The following SAFB variants were observed in gnomAD, a reference collection of about 807,000 sequenced individuals.
SAFB encodes scaffold attachment factor B1.
In SAFB, 15 loss-of-function variants were observed where a neutral mutation model predicts 101.6. The ratio of observed to expected loss-of-function variants is 0.15; its 90% confidence interval spans 0.10 to 0.23. The LOEUF is 0.23. Ranked by LOEUF, SAFB falls within the 10% of genes least tolerant of loss-of-function variation. SAFB has a pLI of 1.00. For missense variants in SAFB, 930 were observed against 1,104.1 expected (o/e 0.84, Z 2.23); for synonymous variants, 449 against 407.5 (o/e 1.10, Z -1.23).
rs1477523590 is a variant in SAFB at position 5,667,482 on chromosome 19, G to A, written c.2557+32G>A. 1.1e-5 allele frequency: 16 copies of A among 1,418,446 alleles called. No homozygotes were observed. Among genetic ancestry groups the A allele is most frequent in the Middle Eastern group, 1.9e-4 (1 of 5,314 alleles). The allele number at this position is 1,418,446 out of a possible 1,614,324, so 87.9% of individuals were successfully genotyped here. Reference sequence around the variant, plus strand: ...AGCAGCTCTGGGCTGGGACCAGGATGTGCTGGGGAGTGATGGAAAGATGGA... The same window carrying A: ...AGCAGCTCTGGGCTGGGACCAGGATATGCTGGGGAGTGATGGAAAGATGGA... On this transcript the variant is annotated intron_variant, in intron 19 of 20. Transcript: ENST00000588852. The surrounding 1 kb of genome is among the most constrained non-coding windows in gnomAD (Gnocchi z 4.0).
intron 13 of SAFB, among the ~76,000 whole-genome samples, chr19:5,656,875 A>G (rs950931974): frequency 3.3e-5 from 5 of 151,730 alleles, no homozygotes; most frequent in Non-Finnish European, 5.9e-5. Context: ...GGTTCACGCC[A>G]TTCTCCTGCT....
At chr19:5,633,925 C>T (rs945532750) in intron 2 of SAFB, among the ~76,000 whole-genome samples, 3 of 152,010 alleles carry the variant, frequency 2.0e-5, no homozygotes, top group Non-Finnish European at 2.9e-5. Flanking sequence ...TAAAGCAATC[C>T]GAAGCAAGCC....
intron 7 of SAFB, 110 bp from the exon 8 acceptor site, chr19:5,649,816 T>C: frequency 1.0e-6 from 1 of 1,004,826 alleles, no homozygotes; most frequent in East Asian, 2.5e-5. Flanking sequence ...GTATCATTTT[T>C]TCAGAACTAA....
Position 5,661,785 on chromosome 19 carries a change from G to T in SAFB, c.2130G>T (p.Val710=). Residue 710 remains valine (V), a synonymous_variant, in exon 15 of 21, where the codon GTG becomes GTT. Coordinates refer to ENST00000588852, the MANE Select transcript of SAFB (RefSeq NM_001201338.2). ...LRYEQERRPA[V]RRPYDLDRRD... ...ATGAGCAGGAGCGGCGGCCCGCGGT[G>T]CGGCGGCCCTACGACCTGGACCGGT... 1 of 1,557,458 alleles carries T rather than the reference G, an allele frequency of 6.4e-7. No homozygotes were observed. Among genetic ancestry groups the T allele is most frequent in the Non-Finnish European group, 8.7e-7 (1 of 1,153,082 alleles).
At chr19:5,625,002 C>T (rs2053324663) in intron 1 of SAFB, among the ~76,000 whole-genome samples, 1 of 152,152 alleles carries the variant, frequency 6.6e-6, no homozygotes, top group South Asian at 2.1e-4. Context: ...TGTGATCTTC[C>T]TGTCAAGCTG....
Position 5,661,807 on chromosome 19 carries a change from C to T in SAFB, c.2152C>T (p.Arg718Trp). Residue 718 changes from arginine to tryptophan, a missense_variant and splice_region_variant, in exon 15 of 21, where the codon CGG (arginine) becomes TGG (tryptophan). By Grantham distance (101) the Arg-to-Trp change is moderately radical. Coordinates refer to ENST00000588852, the MANE Select transcript of SAFB (RefSeq NM_001201338.2). ...GGTGCGGCGGCCCTACGACCTGGAC[C>T]GGTAAGCAGATCCATGCTGCCCTTA... ...PAVRRPYDLD[R>W]RDDAYWPEAK... The T allele has an allele frequency of 6.5e-7, 1 of 1,541,256 alleles. No individual in the cohort carries two copies. Among genetic ancestry groups the T allele is most frequent in the African/African-American group, 1.4e-5 (1 of 73,462 alleles).
intron 12 of SAFB, 32 bp from the exon 13 acceptor site, chr19:5,654,336 T>G: frequency 6.3e-7 from 1 of 1,598,948 alleles, no homozygotes. Flanking sequence ...ATTCTTGGTT[T>G]TCCACTTACA....
At chr19:5,658,768 G>A (rs561410739) in intron 14 of SAFB, among the ~76,000 whole-genome samples, 2 of 150,708 alleles carry the variant, frequency 1.3e-5, no homozygotes, top group Non-Finnish European at 2.9e-5. Flanking sequence ...GCGTGAACCC[G>A]GGAGGCAGAG....
At chr19:5,665,534 T>G (rs1033570832) in intron 17 of SAFB, 3 of 151,858 alleles carry the variant, frequency 2.0e-5, no homozygotes, top group African/African-American at 7.3e-5. Flanking sequence ...GGGATCTCAC[T>G]ATGTTGCCCA....
intron 8 of SAFB, 101 bp downstream of exon 8, chr19:5,650,076 A>C: frequency 1.1e-6 from 1 of 880,228 alleles, no homozygotes; most frequent in Non-Finnish European, 1.9e-6. Flanking sequence ...CTTACCCAGG[A>C]GACTCCTGAG....
intron 14 of SAFB, among the ~76,000 whole-genome samples, chr19:5,657,996 A>G (rs1180163743): frequency 1.3e-5 from 2 of 152,020 alleles, no homozygotes; most frequent in East Asian, 2.0e-4. Context: ...CAGCGAGGGC[A>G]CTGAGAGGGC....
In SAFB at chr19:5,661,639, G is replaced by C; in HGVS notation, c.1984G>C (p.Glu662Gln). Residue 662 changes from glutamate to glutamine, a missense_variant, in exon 15 of 21, where the codon GAG (glutamate) becomes CAG (glutamine). Transcript: ENST00000588852. The part of the protein sequence containing the change: ...LAFQRQRLER[E>Q]RMERERLERE... Reference sequence around the variant, plus strand: ...CTTCCAGCGCCAGCGGCTGGAGCGGGAGCGCATGGAGCGGGAACGGCTGGA... The same window carrying C: ...CTTCCAGCGCCAGCGGCTGGAGCGGCAGCGCATGGAGCGGGAACGGCTGGA... 6.2e-7 allele frequency: 1 copy of C among 1,612,316 alleles called. No homozygotes were observed. Among genetic ancestry groups the C allele is most frequent in the South Asian group, 1.1e-5 (1 of 91,052 alleles).
At chr19:5,623,738 G>A (rs955636772) in intron 1 of SAFB, among the ~76,000 whole-genome samples, 4 of 152,008 alleles carry the variant, frequency 2.6e-5, no homozygotes, top group Admixed American at 1.3e-4. Flanking sequence ...TCACTTCCCA[G>A]GCGAGGGGAA....
At chr19:5,650,375 A>G (rs1419148667) in intron 8 of SAFB, among the ~76,000 whole-genome samples, 1 of 152,214 alleles carries the variant, frequency 6.6e-6, no homozygotes, top group Non-Finnish European at 1.5e-5. Context: ...GTTCTGCTAC[A>G]TGGCCGTTGC....
chr19:5,649,156 G>C lies in SAFB; in HGVS notation c.805G>C (p.Gly269Arg). The C allele has an allele frequency of 2.6e-6, 1 of 389,138 alleles. No homozygotes were observed. The highest frequency in any genetic ancestry group is 4.3e-6 in the Non-Finnish European group (1 of 232,508). 24.1% of individuals were successfully genotyped at this position (389,138 alleles called of 1,614,324 possible). A position where few individuals can be genotyped will look rare whatever the true frequency, so the allele number is the denominator to read the frequency against. Residue 269 changes from glycine (G) to arginine (R), a missense_variant, in exon 7 of 21, where the codon GGT becomes CGT. By Grantham distance (125) the Gly-to-Arg change is moderately radical. This residue lies in a region of SAFB where 130 missense variants were observed against 114.2 expected (regional missense o/e 1.14). Transcript: ENST00000588852. ...DLFDSAHPEE[G>R]DLDLASESTA... ...ATTTGACAGCGCCCATCCGGAAGAGGGTGATTTAGATTTGGCCAGCGAGTC... is the reference window on the plus strand; with the variant it reads ...ATTTGACAGCGCCCATCCGGAAGAGCGTGATTTAGATTTGGCCAGCGAGTC...
chr19:5,625,836 G>A (rs1599307763), intron 1 of SAFB, among the ~76,000 whole-genome samples: 1 of 152,148 alleles, frequency 6.6e-6, no homozygotes, highest in Non-Finnish European at 1.5e-5. Flanking sequence ...GATGGGGATC[G>A]GATGAGGTCA....
In SAFB at chr19:5,659,656, C is replaced by A. The variant is rs532917838; in HGVS notation, c.1863-1862C>A. On this transcript the variant is annotated intron_variant, in intron 14 of 20. Coordinates refer to ENST00000588852, the MANE Select transcript of SAFB (RefSeq NM_001201338.2). ...TCGGCCTCCCAAAGTGCTGGAATTACAGGCGTGAGCCACTGCGCCCAGCCT... is the reference window on the plus strand; with the variant it reads ...TCGGCCTCCCAAAGTGCTGGAATTAAAGGCGTGAGCCACTGCGCCCAGCCT... 2.6e-5 allele frequency among the ~76,000 whole-genome samples: 4 copies of A among 151,250 alleles called. No individual in the cohort carries two copies. In the South Asian group the frequency reaches 8.3e-4, roughly 32 times the overall value.
chr19:5,639,639 G>A (rs1246402635), intron 2 of SAFB, among the ~76,000 whole-genome samples: 2 of 150,142 alleles, frequency 1.3e-5, no homozygotes, highest in Non-Finnish European at 3.0e-5. Context: ...GTTGCAGTGA[G>A]CTGAGATCAG....
intron 5 of SAFB, 38 bp downstream of exon 5, chr19:5,645,437 G>C (rs184786649): frequency 9.5e-6 from 9 of 951,648 alleles, no homozygotes; most frequent in Middle Eastern, 4.3e-4. Context: ...TAGAATGAAA[G>C]GTCAGACCAC....
Sources: gnomAD v4.1 joint callset for allele counts (sites outside exome capture counted in the v4.1 genomes callset) on GRCh38, gnomAD v4.1.1 for gene constraint, gnomAD v4.1.1 regional missense constraint, Gnocchi (gnomAD v3.1) non-coding constraint, MANE v1.5 for transcripts, NCBI Gene and HGNC (gene_info 2026-07-23, HGNC 2026-07-21) for gene names.